NRXN1: variants seen among roughly 807,000 people sequenced by gnomAD.
NRXN1 encodes the protein neurexin 1.
Under a neutral mutation model 150.9 loss-of-function variants are expected in NRXN1, and 39 were observed. The ratio of observed to expected loss-of-function variants is 0.26; its 90% CI spans 0.20 to 0.34. NRXN1 has a LOEUF of 0.34. Ranked by LOEUF, NRXN1 falls within the 10% of genes least tolerant of loss-of-function variation. The pLI is 1.00. For synonymous variants in NRXN1, 924 were observed against 757.0 expected, an observed-to-expected ratio of 1.22 and a Z score of -3.62; for missense variants, 1,815 against 1,949.9, an observed-to-expected ratio of 0.93 and a Z score of 1.30.
chr2:50,218,490 CTTTTT>C (rs34919769), intron 18 of NRXN1, among the ~76,000 whole-genome samples: 2 of 136,758 alleles, frequency 1.5e-5, no homozygotes, highest in Admixed American at 1.5e-4. Context: ...TTAGCACCTT[CTTTTT>C]TTTTTTTTTT....
intron 21 of NRXN1, among the ~76,000 whole-genome samples, chr2:50,050,627 A>G (rs900907475): frequency 6.6e-6 from 1 of 152,074 alleles, no homozygotes; most frequent in African/African-American, 2.4e-5. Flanking sequence ...CAAAGTTTAC[A>G]GTTTCGAAAT....
intron 5 of NRXN1, among the ~76,000 whole-genome samples, chr2:50,863,883 G>A (rs1315926729): frequency 6.6e-6 from 1 of 152,008 alleles, no homozygotes; most frequent in Non-Finnish European, 1.5e-5. Flanking sequence ...ACCATGGTGA[G>A]CCTATGAGAT....
At chr2:50,588,915 G>A (rs1673629816) in intron 8 of NRXN1, 1 of 152,118 alleles carries the variant, frequency 6.6e-6, no homozygotes, top group Admixed American at 6.5e-5. Flanking sequence ...AATATATGAT[G>A]AGCTCATACA....
rs543187610 is a variant in NRXN1 at position 50,763,184 on chromosome 2, C to T, written c.833-139569G>A. ...AGTTTCTGTAAGAATCGACTAGTTC[C>T]TGTAATTGACAGCTATATGGTGTTA... is the stretch of plus-strand genomic sequence containing the variant. On this transcript the variant is annotated intron_variant, in intron 5 of 22. Transcript: ENST00000401669. 2.6e-5 allele frequency among the ~76,000 whole-genome samples: 4 copies of T among 152,050 alleles called. 1 individual carries two copies. In the South Asian group the frequency reaches 8.3e-4, roughly 32 times the overall value.
At chr2:50,982,455 A>G (rs1229257673) in intron 2 of NRXN1, among the ~76,000 whole-genome samples, 2 of 152,088 alleles carry the variant, frequency 1.3e-5, no homozygotes, top group African/African-American at 4.8e-5. Flanking sequence ...AACGTGGCCT[A>G]AGGGACAACA....
intron 2 of NRXN1, among the ~76,000 whole-genome samples, chr2:50,935,800 G>T (rs1425591733): frequency 6.6e-6 from 1 of 151,936 alleles, no homozygotes. Flanking sequence ...TTATCTATGG[G>T]ATGAAATGAT....
chr2:49,998,514 T>C (rs1347147504), intron 21 of NRXN1, among the ~76,000 whole-genome samples: 1 of 152,136 alleles, frequency 6.6e-6, no homozygotes, highest in African/African-American at 2.4e-5. Context: ...ATACCCAGTA[T>C]TTTTTTGCTA....
intron 17 of NRXN1, among the ~76,000 whole-genome samples, chr2:50,301,976 C>T (rs995720148): frequency 3.3e-5 from 5 of 151,840 alleles, no homozygotes; most frequent in Non-Finnish European, 7.4e-5. Context: ...ATAGGCCTCT[C>T]GAGGATAAGT....
chr2:50,483,272 G>A (rs1041380221), intron 15 of NRXN1, among the ~76,000 whole-genome samples: 10 of 152,088 alleles, frequency 6.6e-5, no homozygotes, highest in African/African-American at 2.4e-4. Context: ...CCTCAGTTCT[G>A]GGAATTTCCC....
chr2:50,428,160 T>C (rs1189122975), intron 17 of NRXN1, among the ~76,000 whole-genome samples: 2 of 152,102 alleles, frequency 1.3e-5, no homozygotes, highest in Non-Finnish European at 1.5e-5. Flanking sequence ...ACATCTGTAA[T>C]CCCAGCACTT....
chr2:50,435,187 G>C (rs1261988221), intron 17 of NRXN1, among the ~76,000 whole-genome samples: 4 of 152,120 alleles, frequency 2.6e-5, no homozygotes, highest in African/African-American at 9.7e-5. Flanking sequence ...AGAAGATTCT[G>C]CAGAAATGGG....
At chr2:50,705,059 C>G (rs1445063660) in intron 5 of NRXN1, among the ~76,000 whole-genome samples, 1 of 151,172 alleles carries the variant, frequency 6.6e-6, no homozygotes, top group Non-Finnish European at 1.5e-5. Context: ...AACACACACA[C>G]ACACACACAC....
At chr2:50,137,554 G>A (rs1236688414) in intron 18 of NRXN1, among the ~76,000 whole-genome samples, 3 of 151,978 alleles carry the variant, frequency 2.0e-5, no homozygotes, top group Non-Finnish European at 4.4e-5. Flanking sequence ...AAGAAGAAAT[G>A]TAATAACTTT....
chr2:50,011,080 T>C (rs1685586339), intron 21 of NRXN1, among the ~76,000 whole-genome samples: 1 of 152,146 alleles, frequency 6.6e-6, no homozygotes, highest in Non-Finnish European at 1.5e-5. Flanking sequence ...AATCTTTGTA[T>C]AGAAGTAAAT....
rs199734638 is a variant in NRXN1, at chr2:50,496,080, C to A, written c.2895G>T (p.Val965=). The A allele has an allele frequency of 1.1e-5, 17 of 1,603,528 alleles. No individual in the cohort carries two copies. Among genetic ancestry groups the A allele is most frequent in the Non-Finnish European group, 1.4e-5 (17 of 1,174,484 alleles). The change falls in exon 15 of 23, where the codon GTG becomes GTT. Residue 965 remains valine, a synonymous_variant. Transcript: ENST00000401669. ...GGTTAGCACCATTTCCCAAATCAAA[C>A]ACGTAATGTAAGTACCTGGGAAAAA... ...VELVKGYLHY[V]FDLGNGANLI...
intron 5 of NRXN1, among the ~76,000 whole-genome samples, chr2:50,702,831 A>C (rs2104975288): frequency 6.6e-6 from 1 of 152,222 alleles, no homozygotes; most frequent in Non-Finnish European, 1.5e-5. Flanking sequence ...TCACTGTTAT[A>C]ATTATTTCTC....
intron 5 of NRXN1, among the ~76,000 whole-genome samples, chr2:50,789,311 G>A (rs996100745): frequency 6.6e-6 from 1 of 152,072 alleles, no homozygotes; most frequent in Admixed American, 6.5e-5. Context: ...TCTGTTAAAT[G>A]CAATCATGAA....
At chr2:50,719,801 C>G (rs528734652) in intron 5 of NRXN1, among the ~76,000 whole-genome samples, 2 of 152,276 alleles carry the variant, frequency 1.3e-5, no homozygotes, top group East Asian at 3.9e-4. Context: ...AGGTCTTTAT[C>G]TCTCTCATCC....
intron 17 of NRXN1, among the ~76,000 whole-genome samples, chr2:50,261,965 G>C (rs1300333371): frequency 2.0e-5 from 3 of 151,732 alleles, no homozygotes; most frequent in East Asian, 3.9e-4. Flanking sequence ...GTTTTTCCAG[G>C]TAATTTATAT....
Sources: allele counts gnomAD v4.1 joint callset (sites outside exome capture counted in the v4.1 genomes callset), GRCh38; gene constraint gnomAD v4.1.1; transcripts MANE v1.5; gene names NCBI Gene and HGNC (gene_info 2026-07-23, HGNC 2026-07-21).